CDH11: variants seen among roughly 807,000 people sequenced by gnomAD.
The protein encoded by CDH11 is cadherin-11.
A neutral mutation model predicts 67.8 loss-of-function variants in CDH11; 11 were observed. The observed-to-expected ratio is 0.16, with a 90% CI of 0.10 to 0.27. The LOEUF (loss-of-function observed/expected upper bound fraction) is 0.27. Among genes scored for constraint, CDH11 ranks in the 10% least tolerant of loss-of-function variants. CDH11 has a pLI of 1.00. For missense variants in CDH11, 847 were observed against 1,031.2 expected (o/e 0.82, Z 2.45); for synonymous variants, 419 against 400.0 (o/e 1.05, Z -0.57).
chr16:65,109,201 T>C (rs2075117199), intron 1 of CDH11, among the ~76,000 whole-genome samples: 1 of 152,192 alleles, frequency 6.6e-6, no homozygotes, highest in Admixed American at 6.5e-5. Context: ...AGTTCAGTGA[T>C]AACTGGGTTA....
chr16:64,985,816 T>G (rs2072473880), intron 7 of CDH11: 1 of 150,068 alleles, frequency 6.7e-6, no homozygotes, highest in Non-Finnish European at 1.5e-5. Flanking sequence ...AACAGCCTCC[T>G]ACAACAAAGA....
intron 1 of CDH11, among the ~76,000 whole-genome samples, chr16:65,100,696 C>G (rs889552444): frequency 6.7e-6 from 1 of 150,226 alleles, no homozygotes; most frequent in Non-Finnish European, 1.5e-5. Context: ...TGAGATCGCG[C>G]CACTGCACTC....
chr16:65,040,672 G>A (rs867051782), intron 2 of CDH11, among the ~76,000 whole-genome samples: 8 of 152,214 alleles, frequency 5.3e-5, no homozygotes, highest in African/African-American at 1.4e-4. Context: ...AAACCTGCAC[G>A]TTGTGCACAT....
intron 1 of CDH11, among the ~76,000 whole-genome samples, chr16:65,080,574 T>C (rs975570609): frequency 2.0e-5 from 3 of 152,242 alleles, no homozygotes; most frequent in African/African-American, 7.2e-5. Flanking sequence ...AGTTGAATTC[T>C]TCATGTGAGC....
In CDH11 at chr16:64,950,946, A is replaced by G; in HGVS notation, c.1715T>C (p.Ile572Thr). Residue 572 changes from isoleucine (I) to threonine (T), a missense_variant, in exon 12 of 13, where the codon ATA (isoleucine) becomes ACA (threonine). Physicochemically the swap from Ile to Thr is moderately conservative, Grantham distance 89. Around this residue, in one of 2 missense-constraint regions of CDH11, gnomAD observed 612 missense variants for 678.7 expected, o/e 0.90. Transcript: ENST00000268603. ...CGGGATGCCGCCATCGCTGATCACTATGGGCAGAAGGTACAAGTCCTGCTT... is the reference window on the plus strand; with the variant it reads ...CGGGATGCCGCCATCGCTGATCACTGTGGGCAGAAGGTACAAGTCCTGCTT... Reference protein sequence around the residue: ...RQKQDLYLLPIVISDGGIPPM... With the variant: ...RQKQDLYLLPTVISDGGIPPM... 3 of 1,614,154 alleles carry G rather than the reference A, an allele frequency of 1.9e-6. No individual in the cohort carries two copies. The highest frequency in any genetic ancestry group is 1.1e-5 in the South Asian group (1 of 91,088).
In CDH11 at chr16:64,986,354, C is replaced by A. The variant is rs536777144; in HGVS notation, c.999+1803G>T. The A allele has an allele frequency of 2.0e-5, 3 of 152,008 alleles. No individual in the cohort carries two copies. The East Asian group carries it at 5.8e-4, about 30-fold the overall frequency. The allele number at this position is 152,008 out of a possible 1,614,324, so 9.4% of individuals were successfully genotyped here. ...ACACACTGAATTGGAGGCAAATGTG[C>A]AAATTAATCATATGCAGAGAGCTCA... On this transcript the variant is annotated intron_variant, in intron 7 of 12. Coordinates refer to ENST00000268603, the MANE Select transcript of CDH11 (RefSeq NM_001797.4).
intron 8 of CDH11, among the ~76,000 whole-genome samples, chr16:64,978,985 T>C (rs1271177450): frequency 2.0e-5 from 3 of 152,024 alleles, no homozygotes; most frequent in Non-Finnish European, 2.9e-5. Context: ...AGATATCCCA[T>C]GGAATGAGAA....
Position 64,971,714 on chromosome 16 carries a change from C to T in CDH11, c.1525-18G>A. On this transcript the variant is annotated intron_variant, in intron 10 of 12. Transcript: ENST00000268603. Reference sequence around the variant, plus strand: ...ACAATTGGCTGAAAGAGAAAGGTGGCCCATAAATAAATCATGCTGACATTG... The same window carrying T: ...ACAATTGGCTGAAAGAGAAAGGTGGTCCATAAATAAATCATGCTGACATTG... 3 of 1,555,848 alleles carry T rather than the reference C, an allele frequency of 1.9e-6. No individual in the cohort carries two copies. Among genetic ancestry groups the T allele is most frequent in the Non-Finnish European group, 1.8e-6 (2 of 1,128,450 alleles).
chr16:64,991,858 T>C lies in CDH11; in HGVS notation c.721A>G (p.Met241Val). ...GAGAGTCCGCCCATATGTCCACCCA[T>C]GTCCTTGGCCTGGATCACCACGTGG... ...EYHVVIQAKD[M>V]GGHMGGLSGT... Residue 241 changes from methionine (M) to valine (V), a missense_variant, in exon 6 of 13, where the codon ATG (methionine) becomes GTG (valine). This residue lies in a region of CDH11 where 235 missense variants were observed against 352.5 expected (regional missense o/e 0.67). Coordinates refer to ENST00000268603, the MANE Select transcript of CDH11 (RefSeq NM_001797.4). The C allele has an allele frequency of 6.2e-7, 1 of 1,613,902 alleles. No homozygotes were observed. Among genetic ancestry groups the C allele is most frequent in the Non-Finnish European group, 8.5e-7 (1 of 1,179,818 alleles).
chr16:65,120,909 G>C (rs2075315793), intron 1 of CDH11, among the ~76,000 whole-genome samples: 1 of 152,136 alleles, frequency 6.6e-6, no homozygotes, highest in African/African-American at 2.4e-5. Context: ...CTCTGGGTTG[G>C]GGAGGGGGGA....
intron 1 of CDH11, among the ~76,000 whole-genome samples, chr16:65,120,970 T>C (rs903804383): frequency 1.4e-4 from 22 of 152,104 alleles, no homozygotes; most frequent in African/African-American, 5.3e-4. Flanking sequence ...TCTCAGTGCT[T>C]CCCACCTCCC....
chr16:65,099,336 C>T (rs1035694094), intron 1 of CDH11, among the ~76,000 whole-genome samples: 1 of 152,146 alleles, frequency 6.6e-6, no homozygotes, highest in East Asian at 1.9e-4. Flanking sequence ...ATTTTGAGGA[C>T]CTATGTGGTA....
At chr16:65,046,042 T>C (rs1233583546) in intron 2 of CDH11, among the ~76,000 whole-genome samples, 1 of 152,202 alleles carries the variant, frequency 6.6e-6, no homozygotes, top group Non-Finnish European at 1.5e-5. Context: ...CTGCTTGTCA[T>C]GCTGTTCGAA....
chr16:65,086,532 C>T (rs189566339), intron 1 of CDH11, among the ~76,000 whole-genome samples: 33 of 152,306 alleles, frequency 2.2e-4, no homozygotes, highest in Non-Finnish European at 4.3e-4. Context: ...AGGCACCTTC[C>T]TGTAAAGAAA....
At chr16:65,031,520 A>G (rs970083673) in intron 2 of CDH11, among the ~76,000 whole-genome samples, 1 of 152,214 alleles carries the variant, frequency 6.6e-6, no homozygotes, top group African/African-American at 2.4e-5. Flanking sequence ...TGTAGTATAT[A>G]CATAAGTCAA....
intron 2 of CDH11, among the ~76,000 whole-genome samples, chr16:65,029,032 G>A (rs1020576789): frequency 2.0e-5 from 3 of 152,144 alleles, no homozygotes; most frequent in Non-Finnish European, 4.4e-5. Context: ...TGTACCTATA[G>A]TAAACAATAC....
intron 2 of CDH11, among the ~76,000 whole-genome samples, chr16:65,014,531 G>A (rs767625391): frequency 2.0e-5 from 3 of 152,040 alleles, no homozygotes; most frequent in Non-Finnish European, 2.9e-5. Flanking sequence ...GGCCACGTGG[G>A]GCTAGTGGCC....
At chr16:64,986,420 C>T (rs1049618095) in intron 7 of CDH11, 4 of 151,946 alleles carry the variant, frequency 2.6e-5, no homozygotes, top group African/African-American at 9.7e-5. Flanking sequence ...TTAAATGTTT[C>T]AGGATTTCAG....
chr16:65,047,348 G>C (rs574451881), intron 2 of CDH11, among the ~76,000 whole-genome samples: 67 of 150,072 alleles, frequency 4.5e-4, no homozygotes, highest in African/African-American at 1.6e-3. Flanking sequence ...AATTTTTTTT[G>C]TTTGTTTTTG....
Sources: allele counts gnomAD v4.1 joint callset (sites outside exome capture counted in the v4.1 genomes callset), GRCh38; gene constraint gnomAD v4.1.1; regional missense constraint gnomAD v4.1.1; transcripts MANE v1.5; gene names NCBI Gene and HGNC (gene_info 2026-07-23, HGNC 2026-07-21).